Variants in RTN1 observed in about 807,000 individuals in gnomAD.
The protein encoded by RTN1 is reticulon 1.
RTN1 carries 25 observed loss-of-function variants against 65.5 expected under a neutral mutation model. The ratio of observed to expected loss-of-function variants is 0.38; its 90% CI spans 0.28 to 0.53. The LOEUF is 0.53. Ranked by LOEUF, RTN1 falls within the 20% of genes least tolerant of loss-of-function variation. The pLI, the probability that RTN1 is intolerant of heterozygous loss-of-function variation, is 0.79. For synonymous variants in RTN1, 471 were observed against 447.6 expected (o/e 1.05, Z -0.66); for missense variants, 983 against 1,025.4 (o/e 0.96, Z 0.57).
intron 3 of RTN1, among the ~76,000 whole-genome samples, chr14:59,716,173 C>G (rs1020293740): frequency 2.0e-5 from 3 of 152,182 alleles, no homozygotes; most frequent in Non-Finnish European, 4.4e-5. Context: ...AATTCTAAAG[C>G]AACTTGCCAT....
chr14:59,750,008 A>ATATATAT (rs1195459952), intron 1 of RTN1, among the ~76,000 whole-genome samples: 2 of 80,776 alleles, frequency 2.5e-5, no homozygotes, highest in African/African-American at 1.1e-4. Flanking sequence ...TATTATATAC[A>ATATATAT]TATATATTAT....
At chr14:59,671,184 T>C (rs548752713) in intron 3 of RTN1, among the ~76,000 whole-genome samples, 36 of 152,298 alleles carry the variant, frequency 2.4e-4, no homozygotes, top group Non-Finnish European at 4.7e-4. Flanking sequence ...CAAAAAGTCA[T>C]ACTTGTGGAA....
At chr14:59,706,700 A>C (rs1236822478) in intron 3 of RTN1, among the ~76,000 whole-genome samples, 1 of 152,200 alleles carries the variant, frequency 6.6e-6, no homozygotes. Context: ...TGACCTCAGA[A>C]TCTCTTTGTT....
chr14:59,608,584 G>A (rs1338596662), intron 3 of RTN1, among the ~76,000 whole-genome samples: 1 of 152,208 alleles, frequency 6.6e-6, no homozygotes, highest in Non-Finnish European at 1.5e-5. Context: ...ACTTACCTCA[G>A]GCTGGCTGGA....
At chr14:59,797,845 C>G (rs1886467521) in intron 1 of RTN1, among the ~76,000 whole-genome samples, 1 of 152,094 alleles carries the variant, frequency 6.6e-6, no homozygotes, top group African/African-American at 2.4e-5. Flanking sequence ...AGGCTAAAAT[C>G]CAACTTGTCT....
intron 1 of RTN1, among the ~76,000 whole-genome samples, chr14:59,773,145 A>C (rs1885989093): frequency 6.6e-6 from 1 of 152,164 alleles, no homozygotes; most frequent in Non-Finnish European, 1.5e-5. Flanking sequence ...TAGTTCATTA[A>C]ATATTTTATT....
intron 8 of RTN1, among the ~76,000 whole-genome samples, chr14:59,598,350 T>C (rs1360055410): frequency 2.0e-5 from 3 of 152,178 alleles, no homozygotes; most frequent in Non-Finnish European, 4.4e-5. Context: ...TTACCAAGAT[T>C]GTGATAACTG....
At chr14:59,808,052 C>G (rs1440496614) in intron 1 of RTN1, among the ~76,000 whole-genome samples, 1 of 152,096 alleles carries the variant, frequency 6.6e-6, no homozygotes, top group Non-Finnish European at 1.5e-5. Context: ...CCTCATTGTT[C>G]TTATTCTGTA....
rs1336387872 is a variant in RTN1 at position 59,836,804 on chromosome 14, C to G, written c.241+33586G>C. 1.3e-5 allele frequency among the ~76,000 whole-genome samples: 2 copies of G among 152,004 alleles called. No homozygotes were observed. The highest frequency in any genetic ancestry group is 4.8e-5 in the African/African-American group (2 of 41,386). ...ACATCGCAGGGGTGCTTAGACAAAC[C>G]AATCCAAAAGGTTCTAGGTGAAAAG... On this transcript the variant is annotated intron_variant, in intron 1 of 8. Transcript: ENST00000267484. This position sits in a 1 kb window ranked among gnomAD's most constrained non-coding sequence, Gnocchi z 4.9.
chr14:59,834,020 TAGAA>T (rs1887171889), intron 1 of RTN1, among the ~76,000 whole-genome samples: 2 of 152,082 alleles, frequency 1.3e-5, no homozygotes, highest in Non-Finnish European at 2.9e-5. Context: ...TAAAGATAGA[TAGAA>T]AGATCAATGG....
At chr14:59,799,135 A>G (rs1270869351) in intron 1 of RTN1, among the ~76,000 whole-genome samples, 1 of 152,220 alleles carries the variant, frequency 6.6e-6, no homozygotes, top group Non-Finnish European at 1.5e-5. Flanking sequence ...AAGTTAGGGT[A>G]TTACCTCGTG....
At chr14:59,600,971 C>T (rs1881560142) in intron 8 of RTN1, among the ~76,000 whole-genome samples, 1 of 152,076 alleles carries the variant, frequency 6.6e-6, no homozygotes, top group South Asian at 2.1e-4. Context: ...TAGTCTCTCC[C>T]CTCTCCAATT....
chr14:59,643,887 C>T (rs943961660), intron 3 of RTN1, among the ~76,000 whole-genome samples: 1 of 135,392 alleles, frequency 7.4e-6, no homozygotes, highest in African/African-American at 2.7e-5. Flanking sequence ...ATGATCCATA[C>T]TCAAGAAAAA....
rs1883077311 is a variant in RTN1, at chr14:59,654,320, C to G, written c.1766-46828G>C. Among the ~76,000 whole-genome samples, 3 of 151,310 alleles carry G rather than the reference C, an allele frequency of 2.0e-5. No individual in the cohort carries two copies. The South Asian group carries it at 6.3e-4, about 32-fold the overall frequency. On this transcript the variant is annotated intron_variant, in intron 3 of 8. Coordinates refer to ENST00000267484, the MANE Select transcript of RTN1 (RefSeq NM_021136.3). Reference sequence around the variant, plus strand: ...GCTCGTGCCTGTAGCCCCAGCTACTCAGGAGGCTGAGGCAGGAGAATTGTT... The same window carrying G: ...GCTCGTGCCTGTAGCCCCAGCTACTGAGGAGGCTGAGGCAGGAGAATTGTT...
rs544930843 is a variant in RTN1, at chr14:59,816,160, C to A, written c.241+54230G>T. Among the ~76,000 whole-genome samples the A allele has an allele frequency of 9.9e-5, 15 of 152,232 alleles. No homozygotes were observed. The highest frequency in any genetic ancestry group is 2.9e-4 in the African/African-American group (12 of 41,528). On this transcript the variant is annotated intron_variant, in intron 1 of 8. Transcript: ENST00000267484. This position sits in a 1 kb window ranked among gnomAD's most constrained non-coding sequence, Gnocchi z 4.3. ...CCTGTTTCTTTTATAATTATCTTTA[C>A]TGCTACATGCATACTTTTAGAGACT... is the stretch of plus-strand genomic sequence containing the variant.
intron 3 of RTN1, among the ~76,000 whole-genome samples, chr14:59,668,742 C>T (rs557160962): frequency 3.3e-5 from 5 of 152,184 alleles, no homozygotes; most frequent in African/African-American, 1.2e-4. Context: ...ACAAAGAATT[C>T]AAACAAATTT....
chr14:59,748,191 G>C (rs997777113), intron 1 of RTN1, among the ~76,000 whole-genome samples: 1 of 144,902 alleles, frequency 6.9e-6, no homozygotes. Flanking sequence ...GCTTTGCCCC[G>C]ATTAAGTCAG....
intron 3 of RTN1, among the ~76,000 whole-genome samples, chr14:59,633,260 C>T (rs1882594027): frequency 1.3e-5 from 2 of 152,348 alleles, no homozygotes; most frequent in African/African-American, 2.4e-5. Flanking sequence ...GACAGATTCA[C>T]ACTAGTGAAG....
intron 1 of RTN1, among the ~76,000 whole-genome samples, chr14:59,818,836 T>C (rs1007722288): frequency 6.6e-6 from 1 of 152,248 alleles, no homozygotes; most frequent in African/African-American, 2.4e-5. Context: ...TGCTATTTTT[T>C]GACTTTTTAA....
Sources: gnomAD v4.1 joint callset for allele counts (sites outside exome capture counted in the v4.1 genomes callset) on GRCh38, gnomAD v4.1.1 for gene constraint, Gnocchi (gnomAD v3.1) non-coding constraint, MANE v1.5 for transcripts, NCBI Gene and HGNC (gene_info 2026-07-23, HGNC 2026-07-21) for gene names.